AGTR1: variants seen among roughly 807,000 people sequenced by gnomAD.
AGTR1 encodes angiotensin II receptor type 1, also known as type-1 angiotensin II receptor.
Under a neutral mutation model 19.4 loss-of-function variants are expected in AGTR1, and 16 were observed. The ratio of observed to expected loss-of-function variants is 0.82; its 90% CI spans 0.56 to 1.25. The LOEUF (loss-of-function observed/expected upper bound fraction) is 1.25, where lower values mean the gene tolerates loss of function less well. Among genes scored for constraint, AGTR1 ranks in the 50% most tolerant of loss-of-function variants. The pLI is 0.00. For missense variants in AGTR1, 373 were observed against 431.9 expected, an observed-to-expected ratio of 0.86 and a Z score of 1.21; for synonymous variants, 153 against 154.9, an observed-to-expected ratio of 0.99 and a Z score of 0.09.
At position 148,736,799 on chromosome 3, in the gene AGTR1, C is replaced by T. The variant is rs7630898; in HGVS notation, c.-47-4190C>T. ...TATGGAATTCATGTAAGCCACAGAGCTTGGATAAAAGGAATAGTAAGACCA... is the reference window on the plus strand; with the variant it reads ...TATGGAATTCATGTAAGCCACAGAGTTTGGATAAAAGGAATAGTAAGACCA... On this transcript the variant is annotated intron_variant, in intron 2 of 2. Transcript: ENST00000349243. Among the ~76,000 whole-genome samples the T allele has an allele frequency of 9.5e-3, 1,446 of 152,262 alleles. 27 individuals are homozygous for T. Among genetic ancestry groups the T allele is most frequent in the African/African-American group, 0.033 (1,385 of 41,528 alleles).
chr3:148,698,987 G>GTT (rs140965291), intron 1 of AGTR1, among the ~76,000 whole-genome samples: 2 of 124,484 alleles, frequency 1.6e-5, no homozygotes, highest in East Asian at 2.0e-4. Context: ...CTTCTGCACC[G>GTT]TTTTTTTCTT....
At chr3:148,699,856 T>C (rs903847934) in intron 1 of AGTR1, among the ~76,000 whole-genome samples, 1 of 152,164 alleles carries the variant, frequency 6.6e-6, no homozygotes, top group Non-Finnish European at 1.5e-5. Context: ...CCTGAGGCCT[T>C]GATTTCTGGT....
At position 148,742,417 on chromosome 3, in the gene AGTR1, G is replaced by A. The variant is rs1714970829; in HGVS notation, c.*302G>A. ...TACTGACAGAAATGCAATCTCCCTA[G>A]CCTGCTTTTGTCCTGTTATTTTTTA... is the stretch of plus-strand genomic sequence containing the variant. On this transcript the variant is annotated 3_prime_UTR_variant, in exon 3 of 3. Transcript: ENST00000349243. 2.1e-6 allele frequency: 1 copy of A among 468,940 alleles called. No individual in the cohort carries two copies. Among genetic ancestry groups the A allele is most frequent in the African/African-American group, 2.0e-5 (1 of 50,370 alleles). 29.0% of individuals were successfully genotyped at this position (468,940 alleles called of 1,614,324 possible). A position where few individuals can be genotyped will look rare whatever the true frequency, so the allele number is the denominator to read the frequency against.
At chr3:148,701,233 G>C (rs560778108) in intron 1 of AGTR1, among the ~76,000 whole-genome samples, 36 of 152,210 alleles carry the variant, frequency 2.4e-4, no homozygotes, top group Non-Finnish European at 4.7e-4. Flanking sequence ...TGTTTCCCTA[G>C]TTATTACGTT....
At chr3:148,734,509 G>A (rs1308788585) in intron 2 of AGTR1, among the ~76,000 whole-genome samples, 1 of 152,192 alleles carries the variant, frequency 6.6e-6, no homozygotes, top group Non-Finnish European at 1.5e-5. Flanking sequence ...TATTTACCAT[G>A]TACATATATC....
At chr3:148,737,234 G>C (rs1430789614) in intron 2 of AGTR1, among the ~76,000 whole-genome samples, 1 of 152,092 alleles carries the variant, frequency 6.6e-6, no homozygotes, top group Non-Finnish European at 1.5e-5. Context: ...CAAGAGCGTT[G>C]TGCAATATCT....
At chr3:148,698,493 G>T (rs995739695) in intron 1 of AGTR1, among the ~76,000 whole-genome samples, 3 of 152,150 alleles carry the variant, frequency 2.0e-5, no homozygotes, top group African/African-American at 4.8e-5. Flanking sequence ...CATCTGAGCG[G>T]GAAGCCGGTA....
At chr3:148,731,470 G>T (rs1263002427) in intron 2 of AGTR1, 1 of 152,132 alleles carries the variant, frequency 6.6e-6, no homozygotes, top group Non-Finnish European at 1.5e-5. Flanking sequence ...TATTTCTGCT[G>T]AACTTCCGAA....
chr3:148,737,757 G>T (rs897260522), intron 2 of AGTR1, among the ~76,000 whole-genome samples: 1 of 151,948 alleles, frequency 6.6e-6, no homozygotes, highest in Non-Finnish European at 1.5e-5. Flanking sequence ...TTCTTTATTG[G>T]GCAGGGAGTT....
At chr3:148,732,603 A>G (rs893562752) in intron 2 of AGTR1, among the ~76,000 whole-genome samples, 1 of 152,198 alleles carries the variant, frequency 6.6e-6, no homozygotes, top group Non-Finnish European at 1.5e-5. Context: ...ATGTGATAGC[A>G]TTAATCAACT....
chr3:148,721,622 G>A lies in AGTR1; in HGVS notation c.-48+13595G>A, dbSNP rs181428949. Reference sequence around the variant, plus strand: ...CCCACTGCCTGGAGGGAGTTTGCAGGCATGATACAGGGATGGTACACCCAG... The same window carrying A: ...CCCACTGCCTGGAGGGAGTTTGCAGACATGATACAGGGATGGTACACCCAG... On this transcript the variant is annotated intron_variant, in intron 2 of 2. Transcript: ENST00000349243. Among the ~76,000 whole-genome samples the A allele has an allele frequency of 2.0e-5, 3 of 152,266 alleles. No individual in the cohort carries two copies. In the East Asian group the frequency reaches 5.8e-4, roughly 29 times the overall value.
chr3:148,733,780 A>G (rs1378759015), intron 2 of AGTR1, among the ~76,000 whole-genome samples: 1 of 152,214 alleles, frequency 6.6e-6, no homozygotes, highest in Non-Finnish European at 1.5e-5. Context: ...TAGAAGTGTA[A>G]GAGGACAGGG....
At chr3:148,730,736 C>A (rs748621050) in intron 2 of AGTR1, among the ~76,000 whole-genome samples, 1 of 152,162 alleles carries the variant, frequency 6.6e-6, no homozygotes, top group Non-Finnish European at 1.5e-5. Context: ...CGAACCCCAC[C>A]CACAGAGTTT....
intron 2 of AGTR1, among the ~76,000 whole-genome samples, chr3:148,710,483 G>T (rs890802840): frequency 1.3e-5 from 2 of 152,018 alleles, no homozygotes; most frequent in African/African-American, 4.8e-5. Context: ...AAGTAAAAAA[G>T]ATGTAGGATC....
At chr3:148,739,902 C>T in intron 2 of AGTR1, 2 of 1,231,976 alleles carry the variant, frequency 1.6e-6, no homozygotes, top group Non-Finnish European at 2.0e-6. Flanking sequence ...ACCTAGCTGT[C>T]CTGGCCTGTG....
chr3:148,727,994 A>T (rs535808958), intron 2 of AGTR1, among the ~76,000 whole-genome samples: 2 of 152,244 alleles, frequency 1.3e-5, no homozygotes, highest in Admixed American at 1.3e-4. Context: ...TGCCTGCTAG[A>T]TGCTAGTAAT....
chr3:148,730,209 C>G (rs1356245422), intron 2 of AGTR1: 1 of 398,398 alleles, frequency 2.5e-6, no homozygotes, highest in African/African-American at 2.1e-5. Flanking sequence ...AGTCAACTGA[C>G]AGTCCAAAGG....
intron 2 of AGTR1, among the ~76,000 whole-genome samples, chr3:148,708,679 G>A (rs571602266): frequency 6.6e-6 from 1 of 152,158 alleles, no homozygotes; most frequent in Non-Finnish European, 1.5e-5. Context: ...GGGTTAGCCA[G>A]GACTGTTTTG....
chr3:148,733,640 G>T (rs889723747), intron 2 of AGTR1, among the ~76,000 whole-genome samples: 1 of 152,174 alleles, frequency 6.6e-6, no homozygotes, highest in Non-Finnish European at 1.5e-5. Flanking sequence ...AGAAAAGCTT[G>T]TGAGTAGTCT....
Sources: gnomAD v4.1 joint callset for allele counts (sites outside exome capture counted in the v4.1 genomes callset) on GRCh38, gnomAD v4.1.1 for gene constraint, MANE v1.5 for transcripts, NCBI Gene and HGNC (gene_info 2026-07-23, HGNC 2026-07-21) for gene names.